Variants in SPAG17 observed in about 807,000 individuals in gnomAD.
SPAG17 encodes the protein sperm-associated antigen 17.
Under a neutral mutation model 273.6 loss-of-function variants are expected in SPAG17, and 169 were observed. The ratio of observed to expected loss-of-function variants is 0.62; its 90% CI spans 0.55 to 0.70. The LOEUF (loss-of-function observed/expected upper bound fraction) is 0.70. Among genes scored for constraint, SPAG17 ranks in the 30% least tolerant of loss-of-function variants. The pLI, the probability that SPAG17 is intolerant of heterozygous loss-of-function variation, is 0.00. For synonymous variants in SPAG17, 825 were observed against 873.2 expected (o/e 0.94, Z 0.97); for missense variants, 2,557 against 2,627.8 (o/e 0.97, Z 0.59).
chr1:118,068,771 T>C (rs1395122600), intron 17 of SPAG17, among the ~76,000 whole-genome samples: 1 of 152,100 alleles, frequency 6.6e-6, no homozygotes, highest in Non-Finnish European at 1.5e-5. Flanking sequence ...TCCTCTAAAA[T>C]ATGATAAAGA....
Position 118,073,983 on chromosome 1 carries a change from A to G in SPAG17, c.2272-16T>C, listed in dbSNP as rs750561544. 1 of 1,522,536 alleles carries G rather than the reference A, an allele frequency of 6.6e-7. No homozygotes were observed. Among genetic ancestry groups the G allele is most frequent in the Non-Finnish European group, 8.8e-7 (1 of 1,139,042 alleles). The allele number at this position is 1,522,536 out of a possible 1,614,324, so 94.3% of individuals were successfully genotyped here. On this transcript the variant is annotated splice_polypyrimidine_tract_variant and intron_variant, in intron 16 of 48. Transcript: ENST00000336338. The stretch of plus-strand genomic sequence containing the variant: ...TCTTGGGTTTCTAAAATATCATAGG[A>G]ACACAATTTCAGCTTTAATTTGTTT...
At chr1:118,111,229 A>T (rs1031809042) in intron 4 of SPAG17, among the ~76,000 whole-genome samples, 2 of 152,138 alleles carry the variant, frequency 1.3e-5, no homozygotes, top group Admixed American at 6.5e-5. Flanking sequence ...CAAGCCAATT[A>T]GGAAAGGACT....
In SPAG17 at chr1:118,031,855, G is replaced by A; in HGVS notation, c.3446C>T (p.Pro1149Leu). 1 of 1,597,512 alleles carries A rather than the reference G, an allele frequency of 6.3e-7. No individual in the cohort carries two copies. The highest frequency in any genetic ancestry group is 8.5e-7 in the Non-Finnish European group (1 of 1,171,786). Residue 1149 changes from proline to leucine, a missense_variant, in exon 25 of 49, where the codon CCT (proline) becomes CTT (leucine). Coordinates refer to ENST00000336338, the MANE Select transcript of SPAG17 (RefSeq NM_206996.4). ...GATATTCAATATTGTTTCTAAATCA[G>A]GATCCTTATCTTCTATAAGCAGAAA... Reference protein sequence around the residue: ...SNGMAPEDKDPDLETILNIPS... With the variant: ...SNGMAPEDKDLDLETILNIPS...
chr1:117,965,516 A>G (rs1653717171), intron 47 of SPAG17: 1 of 152,178 alleles, frequency 6.6e-6, no homozygotes, highest in African/African-American at 2.4e-5. Flanking sequence ...TCTTTCTTCC[A>G]TCCATCAATG....
intron 48 of SPAG17, chr1:117,959,592 T>C: frequency 2.4e-6 from 2 of 845,534 alleles, no homozygotes; most frequent in Non-Finnish European, 1.7e-6. Context: ...TTTCCAGCTT[T>C]GCCTGAGGGA....
At chr1:117,961,859 A>G (rs1321871448) in intron 48 of SPAG17, 1 of 152,528 alleles carries the variant, frequency 6.6e-6, no homozygotes, top group Non-Finnish European at 1.5e-5. Flanking sequence ...CCAAGGAGTC[A>G]GTGTTGTTTA....
intron 22 of SPAG17, among the ~76,000 whole-genome samples, chr1:118,039,648 G>A (rs1350034090): frequency 6.6e-6 from 1 of 152,140 alleles, no homozygotes; most frequent in Non-Finnish European, 1.5e-5. Flanking sequence ...CTACTTGAGG[G>A]TGGGAGGAGG....
intron 48 of SPAG17, among the ~76,000 whole-genome samples, chr1:117,957,753 C>T (rs972289622): frequency 4.6e-5 from 7 of 152,144 alleles, no homozygotes; most frequent in African/African-American, 1.4e-4. Flanking sequence ...TGGCCCGAGA[C>T]GGTTCTTCCA....
chr1:118,018,397 T>C (rs985806506), intron 28 of SPAG17, among the ~76,000 whole-genome samples: 25 of 152,150 alleles, frequency 1.6e-4, no homozygotes, highest in African/African-American at 5.6e-4. Flanking sequence ...AGTAGATCCT[T>C]ATATAGGTTT....
At chr1:118,162,073 A>C (rs1269965257) in intron 1 of SPAG17, among the ~76,000 whole-genome samples, 1 of 152,220 alleles carries the variant, frequency 6.6e-6, no homozygotes, top group Non-Finnish European at 1.5e-5. Flanking sequence ...AACCCCTTTA[A>C]GGACCACGTG....
rs375916657 is a variant in SPAG17, at chr1:118,107,482, TA to T, written c.448-5557del. On this transcript the variant is annotated intron_variant, in intron 4 of 48. Transcript: ENST00000336338. ...ATTTTAAACTAATTTCCATTAACATTAAAATTATCAATATTTACCTCCCCCA... is the reference window on the plus strand; with the variant it reads ...ATTTTAAACTAATTTCCATTAACATTAAATTATCAATATTTACCTCCCCCA... Among the ~76,000 whole-genome samples the T allele has an allele frequency of 4.2e-3, 640 of 152,234 alleles. 4 individuals are homozygous for T. The highest frequency in any genetic ancestry group is 0.015 in the African/African-American group (608 of 41,532).
At position 118,141,633 on chromosome 1, in the gene SPAG17, G is replaced by T. The variant is rs369298457; in HGVS notation, c.315+8910C>A. On this transcript the variant is annotated intron_variant, in intron 3 of 48. Transcript: ENST00000336338. Reference sequence around the variant, plus strand: ...AAGAACTGACGCTGATTCCATTGGTGACTGTGAACAAATCATTTAAGTTTT... The same window carrying T: ...AAGAACTGACGCTGATTCCATTGGTTACTGTGAACAAATCATTTAAGTTTT... Among the ~76,000 whole-genome samples the T allele has an allele frequency of 5.9e-5, 9 of 152,296 alleles. No homozygotes were observed. The South Asian group carries it at 1.9e-3, about 32-fold the overall frequency.
chr1:117,968,083 G>T (rs1654074963), intron 46 of SPAG17, among the ~76,000 whole-genome samples: 1 of 152,198 alleles, frequency 6.6e-6, no homozygotes. Context: ...CATGAAGAGA[G>T]CTGGAATACT....
Position 118,012,324 on chromosome 1 carries a change from C to T in SPAG17, c.4336G>A (p.Gly1446Ser). The change falls in exon 30 of 49, where the codon GGT (glycine) becomes AGT (serine). Residue 1446 changes from glycine (G) to serine (S), a missense_variant. Coordinates refer to ENST00000336338, the MANE Select transcript of SPAG17 (RefSeq NM_206996.4). Reference protein sequence around the residue: ...DKVVIVERKDGTRIVDHADGT... With the variant: ...DKVVIVERKDSTRIVDHADGT... ...TCAGCATGATCCACTATCCGAGTAC[C>T]ATCTTTCCTTTCAACTATGACAACT... 1 of 1,613,634 alleles carries T rather than the reference C, an allele frequency of 6.2e-7. No homozygotes were observed. Among genetic ancestry groups the T allele is most frequent in the Non-Finnish European group, 8.5e-7 (1 of 1,179,754 alleles).
At chr1:118,012,925 T>C (rs1221615408) in intron 29 of SPAG17, among the ~76,000 whole-genome samples, 1 of 152,170 alleles carries the variant, frequency 6.6e-6, no homozygotes, top group African/African-American at 2.4e-5. Context: ...TCAGTGCCGC[T>C]GCATGCCTGT....
At chr1:118,108,026 G>T (rs1333173182) in intron 4 of SPAG17, among the ~76,000 whole-genome samples, 1 of 152,166 alleles carries the variant, frequency 6.6e-6, no homozygotes, top group Non-Finnish European at 1.5e-5. Context: ...CTGAATGGAA[G>T]TACCTAGGTC....
At chr1:118,170,534 G>A (rs1051174615) in intron 1 of SPAG17, among the ~76,000 whole-genome samples, 1 of 152,098 alleles carries the variant, frequency 6.6e-6, no homozygotes, top group African/African-American at 2.4e-5. Context: ...AGAAAAGAGA[G>A]AGATAAGTCA....
At chr1:118,182,982 C>T (rs1000840483) in intron 1 of SPAG17, among the ~76,000 whole-genome samples, 4 of 152,216 alleles carry the variant, frequency 2.6e-5, no homozygotes, top group East Asian at 3.9e-4. Context: ...GAAAGGACAA[C>T]CTGAGACAGT....
At position 118,031,693 on chromosome 1, in the gene SPAG17, T is replaced by C. The variant is rs1269701378; in HGVS notation, c.3608A>G (p.Lys1203Arg). The change falls in exon 25 of 49, where the codon AAG becomes AGG. Residue 1203 changes from lysine (K) to arginine (R), a missense_variant and splice_region_variant. Physicochemically the swap from Lys to Arg is conservative, Grantham distance 26. Coordinates refer to ENST00000336338, the MANE Select transcript of SPAG17 (RefSeq NM_206996.4). ...GAATCTATGGCAAGGTTCATTTACC[T>C]TTTTCTCTTCTTCTTTTGGGTGTTC... is the stretch of plus-strand genomic sequence containing the variant. ...EEEHPKEEEKKEEEVEPEPVL... is the reference protein window; with the variant it reads ...EEEHPKEEEKREEEVEPEPVL... The C allele has an allele frequency of 6.2e-7, 1 of 1,611,820 alleles. No individual in the cohort carries two copies. Among genetic ancestry groups the C allele is most frequent in the Admixed American group, 1.7e-5 (1 of 59,534 alleles).
Sources: allele counts gnomAD v4.1 joint callset (sites outside exome capture counted in the v4.1 genomes callset), GRCh38; gene constraint gnomAD v4.1.1; transcripts MANE v1.5; gene names NCBI Gene and HGNC (gene_info 2026-07-23, HGNC 2026-07-21).